Variants in RNF217 observed in about 807,000 individuals in gnomAD.
The protein encoded by RNF217 is E3 ubiquitin-protein ligase RNF217.
RNF217 carries 31 observed loss-of-function variants against 57.8 expected under a neutral mutation model. The ratio of observed to expected loss-of-function variants is 0.54; its 90% CI spans 0.40 to 0.72. The LOEUF (loss-of-function observed/expected upper bound fraction) is 0.72, where lower values mean the gene tolerates loss of function less well. RNF217 is among the 30% of genes least tolerant of loss of function. RNF217 has a pLI of 0.00. For missense variants in RNF217, 696 were observed against 708.3 expected (o/e 0.98, Z 0.20); for synonymous variants, 313 against 294.0 (o/e 1.06, Z -0.66).
chr6:125,045,246 C>G lies in RNF217; in HGVS notation c.918C>G (p.Ile306Met), dbSNP rs1787050300. The change falls in exon 2 of 6, where the codon ATC becomes ATG. Residue 306 changes from isoleucine to methionine, a missense_variant. By Grantham distance (10) the Ile-to-Met change is conservative. Coordinates refer to ENST00000521654, the MANE Select transcript of RNF217 (RefSeq NM_001286398.3). The stretch of plus-strand genomic sequence containing the variant: ...GCCAAGTAGAAATCAAATGCCCCAT[C>G]ACAGAGTGTTTTGAATTCTTGGAAG... ...QLGQVEIKCP[I>M]TECFEFLEET... The G allele has an allele frequency of 3.1e-6, 5 of 1,613,158 alleles. No homozygotes were observed. Among genetic ancestry groups the G allele is most frequent in the Middle Eastern group, 1.7e-4 (1 of 6,048 alleles).
At chr6:124,987,189 ACAGT>A (rs545068684) in intron 1 of RNF217, among the ~76,000 whole-genome samples, 31 of 152,334 alleles carry the variant, frequency 2.0e-4, no homozygotes, top group Non-Finnish European at 3.7e-4. Context: ...CCTCAGTTGC[ACAGT>A]CAAATGGATT....
At chr6:124,971,361 A>C (rs1000022077) in intron 1 of RNF217, 1 of 187,780 alleles carries the variant, frequency 5.3e-6, no homozygotes, top group Admixed American at 5.9e-5. Flanking sequence ...TCTAGAGATT[A>C]CAGCCAAACT....
rs1173403351 is a variant in RNF217 at position 125,087,416 on chromosome 6, A to G, written c.*4479A>G. 2 of 152,114 alleles carry G rather than the reference A, an allele frequency of 1.3e-5. No individual in the cohort carries two copies. The highest frequency in any genetic ancestry group is 4.8e-5 in the African/African-American group (2 of 41,440). 9.4% of individuals were successfully genotyped at this position (152,114 alleles called of 1,614,324 possible). On this transcript the variant is annotated 3_prime_UTR_variant, in exon 6 of 6. Transcript: ENST00000521654. ...TTTGTGGCTGAAATCTCTCCCAACT[A>G]TTGAGAGTGATCTTTCCCATGGTCT... is the stretch of plus-strand genomic sequence containing the variant.
intron 1 of RNF217, among the ~76,000 whole-genome samples, chr6:125,011,581 C>T (rs925580937): frequency 2.6e-4 from 40 of 152,048 alleles, no homozygotes; most frequent in African/African-American, 8.2e-4. Context: ...AAAAATCACT[C>T]GGTTAATGTC....
intron 1 of RNF217, among the ~76,000 whole-genome samples, chr6:124,968,329 A>ATG (rs1783628872): frequency 6.6e-6 from 1 of 151,982 alleles, no homozygotes; most frequent in African/African-American, 2.4e-5. Context: ...TGTGTGCAAA[A>ATG]TGTATGTGTG....
chr6:125,045,672 A>C (rs1688278907), intron 2 of RNF217, among the ~76,000 whole-genome samples: 1 of 152,116 alleles, frequency 6.6e-6, no homozygotes, highest in African/African-American at 2.4e-5. Context: ...GTTGAAAATT[A>C]ATCTAGTAAC....
chr6:125,074,198 G>T (rs10485342), intron 3 of RNF217, among the ~76,000 whole-genome samples: 24 of 151,966 alleles, frequency 1.6e-4, no homozygotes, highest in Non-Finnish European at 3.1e-4. Context: ...TGAAGTGCCC[G>T]CCTGTAATAT....
Position 125,091,366 on chromosome 6 carries a change from C to T in RNF217, c.*8429C>T, listed in dbSNP as rs1376652567. 6.6e-6 allele frequency: 1 copy of T among 151,866 alleles called. No individual in the cohort carries two copies. The highest frequency in any genetic ancestry group is 2.4e-5 in the African/African-American group (1 of 41,364). 9.4% of individuals were successfully genotyped at this position (151,866 alleles called of 1,614,324 possible). ...TTGACTTTATTTCTTATCTAAAGAGCCATATATTTTTTGTGAGTGTTCTTT... is the reference window on the plus strand; with the variant it reads ...TTGACTTTATTTCTTATCTAAAGAGTCATATATTTTTTGTGAGTGTTCTTT... On this transcript the variant is annotated 3_prime_UTR_variant, in exon 6 of 6. Transcript: ENST00000521654.
At chr6:125,060,151 A>G (rs188119287) in intron 3 of RNF217, among the ~76,000 whole-genome samples, 1 of 152,124 alleles carries the variant, frequency 6.6e-6, no homozygotes, top group Admixed American at 6.6e-5. Context: ...TATTTGTTTT[A>G]TACTGTAAGG....
intron 1 of RNF217, among the ~76,000 whole-genome samples, chr6:124,970,583 C>T (rs563519764): frequency 1.3e-4 from 20 of 152,210 alleles, no homozygotes; most frequent in African/African-American, 4.6e-4. Context: ...AGGCAGTTGG[C>T]GTCTGGCATT....
chr6:125,022,750 C>T (rs774785765), intron 1 of RNF217, among the ~76,000 whole-genome samples: 1 of 152,184 alleles, frequency 6.6e-6, no homozygotes, highest in African/African-American at 2.4e-5. Flanking sequence ...TTACACATTA[C>T]ACGCTAGACA....
At chr6:124,985,797 G>T (rs1294124110) in intron 1 of RNF217, among the ~76,000 whole-genome samples, 1 of 152,102 alleles carries the variant, frequency 6.6e-6, no homozygotes, top group African/African-American at 2.4e-5. Flanking sequence ...TATCTCTAAG[G>T]TTGTACTTTT....
chr6:125,030,007 G>A (rs900607700), intron 1 of RNF217, among the ~76,000 whole-genome samples: 6 of 152,120 alleles, frequency 3.9e-5, no homozygotes, highest in East Asian at 1.9e-4. Context: ...ACACGTGGCT[G>A]GGGAGGCCTC....
intron 1 of RNF217, among the ~76,000 whole-genome samples, chr6:124,990,206 T>C (rs138399120): frequency 1.6e-4 from 25 of 152,334 alleles, no homozygotes; most frequent in African/African-American, 5.5e-4. Flanking sequence ...TGTTAATTAA[T>C]CTCCTTCTGA....
At chr6:124,971,462 G>A (rs918759994) in intron 1 of RNF217, 3 of 331,586 alleles carry the variant, frequency 9.0e-6, no homozygotes, top group African/African-American at 4.5e-5. Context: ...TTTTTTGTTT[G>A]TTTGTTTGTT....
chr6:124,972,179 G>A (rs895105297), intron 1 of RNF217, among the ~76,000 whole-genome samples: 2 of 152,118 alleles, frequency 1.3e-5, no homozygotes, highest in African/African-American at 4.8e-5. Context: ...CAGAAACCTG[G>A]GGGGTCATCA....
Position 124,980,527 on chromosome 6 carries a change from T to TTTAATTACACATATTCC in RNF217, c.882+17103_882+17119dup, listed in dbSNP as rs1463515761. 2.0e-5 allele frequency among the ~76,000 whole-genome samples: 3 copies of TTTAATTACACATATTCC among 152,356 alleles called. No individual in the cohort carries two copies. In the East Asian group the frequency reaches 5.8e-4, roughly 29 times the overall value. On this transcript the variant is annotated intron_variant, in intron 1 of 5. Transcript: ENST00000521654. ...CATTTGCTTCCCCAGTTAATTCCTA[T>TTTAATTACACATATTCC]TTAATTACACATATTCCTCTCTTCC...
intron 1 of RNF217, among the ~76,000 whole-genome samples, chr6:125,038,398 TC>T: frequency 6.6e-6 from 1 of 152,270 alleles, no homozygotes; most frequent in East Asian, 1.9e-4. Flanking sequence ...TAAAAAGACT[TC>T]TTAATTTTTT....
rs574510640 is a variant in RNF217, at chr6:125,033,285, C to A, written c.883-11926C>A. ...TGTATACATGTGCCATGCTGGTGTG[C>A]TGCACCCATTAACTCGTCATTTAGC... On this transcript the variant is annotated intron_variant, in intron 1 of 5. Coordinates refer to ENST00000521654, the MANE Select transcript of RNF217 (RefSeq NM_001286398.3). Among the ~76,000 whole-genome samples, 511 of 146,752 alleles carry A rather than the reference C, an allele frequency of 3.5e-3. 10 individuals are homozygous for A. Among genetic ancestry groups the A allele is most frequent in the African/African-American group, 0.012 (495 of 39,610 alleles).
Sources: allele counts gnomAD v4.1 joint callset (sites outside exome capture counted in the v4.1 genomes callset), GRCh38; gene constraint gnomAD v4.1.1; transcripts MANE v1.5; gene names NCBI Gene and HGNC (gene_info 2026-07-23, HGNC 2026-07-21).